The following BCL2 variants were observed in gnomAD, a reference collection of about 807,000 sequenced individuals.
BCL2 encodes apoptosis regulator Bcl-2.
In BCL2, 1 loss-of-function variant was observed where a neutral mutation model predicts 14.2. The ratio of observed to expected loss-of-function variants is 0.07; its 90% CI spans 0.02 to 0.33. BCL2 has a LOEUF of 0.33. Ranked by LOEUF, BCL2 falls within the 10% of genes least tolerant of loss-of-function variation. BCL2 has a pLI of 0.99. For synonymous variants in BCL2, 151 were observed against 137.2 expected, an observed-to-expected ratio of 1.10 and a Z score of -0.70; for missense variants, 247 against 305.9, an observed-to-expected ratio of 0.81 and a Z score of 1.44.
chr18:63,188,127 T>C (rs1483627074), intron 2 of BCL2, among the ~76,000 whole-genome samples: 4 of 152,204 alleles, frequency 2.6e-5, no homozygotes, highest in Admixed American at 2.6e-4. Context: ...TAGCAAGCCA[T>C]AACAATCCAA....
At chr18:63,194,854 A>AT (rs781058052) in intron 2 of BCL2, among the ~76,000 whole-genome samples, 2 of 152,326 alleles carry the variant, frequency 1.3e-5, no homozygotes, top group Middle Eastern at 3.4e-3. Context: ...AGCAGGAACC[A>AT]TGGCGTATAA....
At chr18:63,255,978 T>C (rs1046285861) in intron 2 of BCL2, among the ~76,000 whole-genome samples, 3 of 152,150 alleles carry the variant, frequency 2.0e-5, no homozygotes, top group African/African-American at 4.8e-5. Context: ...AGGGTATGAC[T>C]GATAACCAAT....
chr18:63,173,139 C>T (rs1029436121), intron 2 of BCL2, among the ~76,000 whole-genome samples: 2 of 134,554 alleles, frequency 1.5e-5, no homozygotes, highest in African/African-American at 5.6e-5. Context: ...GGCACATAAT[C>T]GTAATTAAAA....
chr18:63,221,652 A>G (rs1348502208), intron 2 of BCL2, among the ~76,000 whole-genome samples: 1 of 152,194 alleles, frequency 6.6e-6, no homozygotes, highest in African/African-American at 2.4e-5. Context: ...GCCAGAACTG[A>G]GCCCCTTTCC....
At chr18:63,222,273 C>CAA (rs35852603) in intron 2 of BCL2, among the ~76,000 whole-genome samples, 10,089 of 83,058 alleles carry the variant, frequency 0.12, 468 homozygotes, top group South Asian at 0.23. Context: ...GACTCCACCT[C>CAA]AAAAAAAAAA....
intron 2 of BCL2, among the ~76,000 whole-genome samples, chr18:63,264,904 A>ACGAGAGAGACCAAGG: frequency 2.3e-3 from 1 of 426 alleles, no homozygotes; most frequent in Non-Finnish European, 4.9e-3. Flanking sequence ...TCCTCTCGGG[A>ACGAGAGAGACCAAGG]TGAGGCCTCT....
At chr18:63,263,930 A>G (rs1005339182) in intron 2 of BCL2, among the ~76,000 whole-genome samples, 1 of 152,022 alleles carries the variant, frequency 6.6e-6, no homozygotes. Context: ...GGTTTAAGCG[A>G]ATCTCATTTT....
At chr18:63,208,107 C>T (rs1568234101) in intron 2 of BCL2, 1 of 152,146 alleles carries the variant, frequency 6.6e-6, no homozygotes, top group Non-Finnish European at 1.5e-5. Flanking sequence ...TTTATTTGTG[C>T]AAGTTGAGAG....
At chr18:63,305,462 CAG>C (rs1239704244) in intron 2 of BCL2, among the ~76,000 whole-genome samples, 6 of 152,070 alleles carry the variant, frequency 3.9e-5, no homozygotes, top group Admixed American at 3.3e-4. Context: ...AAATAACTAA[CAG>C]TGTGTGTGGG....
Position 63,318,429 on chromosome 18 carries a change from C to A in BCL2, c.238G>T (p.Ala80Ser), listed in dbSNP as rs1477078177. ...GGGCTGAGCGCAGGCCCCGCGGCGG[C>A]GCCGGGGGCAGCCGGGGTCTGCAGC... Reference protein sequence around the residue: ...SPLQTPAAPGAAAGPALSPVP... With the variant: ...SPLQTPAAPGSAAGPALSPVP... Residue 80 changes from alanine (A) to serine (S), a missense_variant, in exon 2 of 3, where the codon GCC (alanine) becomes TCC (serine). By Grantham distance (99) the Ala-to-Ser change is moderately conservative. This residue lies in a region of BCL2 where 144 missense variants were observed against 135.3 expected (regional missense o/e 1.06). Coordinates refer to ENST00000333681, the MANE Select transcript of BCL2 (RefSeq NM_000633.3). This position sits in a 1 kb window ranked among gnomAD's most constrained non-coding sequence, Gnocchi z 7.4. 2.7e-6 allele frequency: 4 copies of A among 1,484,990 alleles called. No homozygotes were observed. Among genetic ancestry groups the A allele is most frequent in the Non-Finnish European group, 2.7e-6 (3 of 1,127,980 alleles). 92.0% of individuals were successfully genotyped at this position (1,484,990 alleles called of 1,614,324 possible).
intron 2 of BCL2, among the ~76,000 whole-genome samples, chr18:63,193,613 T>TACAC (rs753621886): frequency 2.2e-4 from 32 of 148,106 alleles, no homozygotes; most frequent in African/African-American, 5.8e-4. Flanking sequence ...TGTGTGTGTA[T>TACAC]ACACACACAC....
At chr18:63,257,733 G>A (rs982440682) in intron 2 of BCL2, among the ~76,000 whole-genome samples, 16 of 152,202 alleles carry the variant, frequency 1.1e-4, no homozygotes, top group African/African-American at 3.9e-4. Context: ...GTAATTAAGT[G>A]ATGCTCTCTA....
chr18:63,145,815 C>T (rs1914496971), intron 2 of BCL2, among the ~76,000 whole-genome samples: 1 of 152,184 alleles, frequency 6.6e-6, no homozygotes, highest in African/African-American at 2.4e-5. Flanking sequence ...AAAGCAGAAT[C>T]ACAGCATCCT....
intron 2 of BCL2, among the ~76,000 whole-genome samples, chr18:63,308,157 G>A (rs1167696311): frequency 6.6e-6 from 1 of 152,202 alleles, no homozygotes; most frequent in Non-Finnish European, 1.5e-5. Flanking sequence ...GACATCCCAG[G>A]TGGTCTTCTT....
intron 2 of BCL2, among the ~76,000 whole-genome samples, chr18:63,157,106 C>T (rs750661099): frequency 1.2e-4 from 19 of 152,122 alleles, no homozygotes; most frequent in East Asian, 3.8e-4. Context: ...TTTGTTTTCC[C>T]GAGGAATTAA....
intron 2 of BCL2, among the ~76,000 whole-genome samples, chr18:63,130,759 T>C (rs72941330): frequency 0.029 from 4,493 of 152,326 alleles, 91 homozygotes; most frequent in African/African-American, 0.041. Flanking sequence ...TATTTTTGTA[T>C]ATAAATTCTT....
chr18:63,245,430 C>T (rs369805910), intron 2 of BCL2, among the ~76,000 whole-genome samples: 2 of 152,218 alleles, frequency 1.3e-5, no homozygotes, highest in South Asian at 2.1e-4. Context: ...CATCCACCTT[C>T]TCTCACTGTA....
chr18:63,319,447 G>A lies in BCL2; in HGVS notation c.-560C>T, dbSNP rs1913625785. 1 of 229,304 alleles carries A rather than the reference G, an allele frequency of 4.4e-6. No individual in the cohort carries two copies. Among genetic ancestry groups the A allele is most frequent in the Non-Finnish European group, 8.6e-6 (1 of 115,736 alleles). The allele number at this position is 229,304 out of a possible 1,614,324, so 14.2% of individuals were successfully genotyped here. ...GAGAAAAAAAAAAGGCAGCGGCGGC[G>A]GCAGATGAATTACAATTTTCAGTCC... is the stretch of plus-strand genomic sequence containing the variant. On this transcript the variant is annotated 5_prime_UTR_variant, in exon 1 of 3. Coordinates refer to ENST00000333681, the MANE Select transcript of BCL2 (RefSeq NM_000633.3).
chr18:63,157,495 C>T (rs774346183), intron 2 of BCL2, among the ~76,000 whole-genome samples: 1 of 152,212 alleles, frequency 6.6e-6, no homozygotes, highest in Non-Finnish European at 1.5e-5. Context: ...GGGGCACCTA[C>T]GCCTTGCTCT....
Sources: gnomAD v4.1 joint callset for allele counts (sites outside exome capture counted in the v4.1 genomes callset) on GRCh38, gnomAD v4.1.1 for gene constraint, gnomAD v4.1.1 regional missense constraint, Gnocchi (gnomAD v3.1) non-coding constraint, MANE v1.5 for transcripts, NCBI Gene and HGNC (gene_info 2026-07-23, HGNC 2026-07-21) for gene names.